The following CARS2 variants were observed in gnomAD, a reference collection of about 807,000 sequenced individuals.
CARS2 encodes the protein cysteinyl-tRNA synthetase 2, mitochondrial.
CARS2 carries 52 observed loss-of-function variants against 68.8 expected under a neutral mutation model. The ratio of observed to expected loss-of-function variants is 0.76; its 90% confidence interval spans 0.61 to 0.95. The LOEUF is 0.95. Ranked by LOEUF, CARS2 falls within the 40% of genes least tolerant of loss-of-function variation. The pLI is 0.00. For synonymous variants in CARS2, 314 were observed against 303.6 expected, an observed-to-expected ratio of 1.03 and a Z score of -0.36; for missense variants, 780 against 754.2, an observed-to-expected ratio of 1.03 and a Z score of -0.40.
At chr13:110,648,445 G>A (rs1168917328) in intron 10 of CARS2, 1 of 152,238 alleles carries the variant, frequency 6.6e-6, no homozygotes, top group African/African-American at 2.4e-5. Flanking sequence ...CTCTACAGAT[G>A]GGAGACACTT....
chr13:110,681,274 AGAC>A (rs932392411), intron 6 of CARS2, among the ~76,000 whole-genome samples: 19 of 152,358 alleles, frequency 1.2e-4, no homozygotes, highest in African/African-American at 3.6e-4. Context: ...AAAATTAAAA[AGAC>A]AACACCATTG....
At chr13:110,695,788 T>A (rs75359092) in intron 3 of CARS2, among the ~76,000 whole-genome samples, 4 of 151,768 alleles carry the variant, frequency 2.6e-5, no homozygotes, top group Admixed American at 6.6e-5. Context: ...TTTTTTTTTT[T>A]AAATTATACT....
At chr13:110,706,186 GC>G, upstream of CARS2, 1 of 930,324 alleles carries the variant, frequency 1.1e-6, no homozygotes, top group Middle Eastern at 4.1e-4. Context: ...GCCCCGCCCC[GC>G]CCACGCCCTT....
At chr13:110,642,806 C>T (rs1163643743) in intron 13 of CARS2, 1 of 679,836 alleles carries the variant, frequency 1.5e-6, no homozygotes, top group Non-Finnish European at 2.7e-6. Flanking sequence ...CCGCCCCGCC[C>T]TGAACACAAA....
intron 3 of CARS2, among the ~76,000 whole-genome samples, chr13:110,699,272 T>C (rs1261892893): frequency 1.3e-5 from 2 of 152,210 alleles, no homozygotes; most frequent in Non-Finnish European, 2.9e-5. Flanking sequence ...TCTAATGCTC[T>C]TGGAGGGTCA....
At chr13:110,689,705 T>A (rs2063402776) in intron 3 of CARS2, among the ~76,000 whole-genome samples, 1 of 152,090 alleles carries the variant, frequency 6.6e-6, no homozygotes, top group African/African-American at 2.4e-5. Flanking sequence ...AATATCACAT[T>A]AAAGAGAGAA....
rs527730124 is a variant in CARS2 at position 110,668,227 on chromosome 13, C to T, written c.786-754G>A. 2.6e-5 allele frequency among the ~76,000 whole-genome samples: 4 copies of T among 152,314 alleles called. No homozygotes were observed. The highest frequency in any genetic ancestry group is 4.4e-5 in the Non-Finnish European group (3 of 68,026). ...GGGAAACAGGCATCACAGAAACACACGCTGTAGTGTGACGTTCTAAGACTT... is the reference window on the plus strand; with the variant it reads ...GGGAAACAGGCATCACAGAAACACATGCTGTAGTGTGACGTTCTAAGACTT... On this transcript the variant is annotated intron_variant, in intron 7 of 14. Transcript: ENST00000257347. The surrounding 1 kb of genome is among the most constrained non-coding windows in gnomAD (Gnocchi z 4.1).
chr13:110,654,280 C>T (rs2062304326), intron 9 of CARS2, among the ~76,000 whole-genome samples: 1 of 152,206 alleles, frequency 6.6e-6, no homozygotes, highest in African/African-American at 2.4e-5. Flanking sequence ...AGGTTTTAAA[C>T]CATTATCTGA....
Position 110,668,391 on chromosome 13 carries a change from A to C in CARS2, c.786-918T>G, listed in dbSNP as rs1027953882. On this transcript the variant is annotated intron_variant, in intron 7 of 14. Coordinates refer to ENST00000257347, the MANE Select transcript of CARS2 (RefSeq NM_024537.4). This position sits in a 1 kb window ranked among gnomAD's most constrained non-coding sequence, Gnocchi z 4.1. The stretch of plus-strand genomic sequence containing the variant: ...ACCCCGTCTCCACTAAAATACAAAA[A>C]ATCAGCCGGGCGTGGTGGCGGGTGC... Among the ~76,000 whole-genome samples, 2 of 151,704 alleles carry C rather than the reference A, an allele frequency of 1.3e-5. No homozygotes were observed. The highest frequency in any genetic ancestry group is 4.8e-5 in the African/African-American group (2 of 41,238).
At chr13:110,710,024 G>C (rs1399665364), upstream of CARS2, among the ~76,000 whole-genome samples, 2 of 152,146 alleles carry the variant, frequency 1.3e-5, no homozygotes, top group Non-Finnish European at 2.9e-5. Context: ...ATATGGTTTA[G>C]GGGTTTTCAA....
At position 110,667,354 on chromosome 13, in the gene CARS2, T is replaced by C; in HGVS notation, c.905A>G (p.Tyr302Cys). The C allele has an allele frequency of 6.2e-7, 1 of 1,611,694 alleles. No individual in the cohort carries two copies. Among genetic ancestry groups the C allele is most frequent in the Non-Finnish European group, 8.5e-7 (1 of 1,179,154 alleles). The change falls in exon 8 of 15, where the codon TAT (tyrosine) becomes TGT (cysteine). Residue 302 changes from tyrosine to cysteine, a missense_variant. Transcript: ENST00000257347. Reference protein sequence around the residue: ...VFHQCEQWGNYFLHSGHLHAK... With the variant: ...VFHQCEQWGNCFLHSGHLHAK... ...TTATTACTTACCAGAATGCAGAAAA[T>C]AATTTCCCCACTGCTCGCACTGATG...
intron 12 of CARS2, 130 bp from the exon 13 acceptor site, chr13:110,644,613 A>T: frequency 6.8e-7 from 1 of 1,474,738 alleles, no homozygotes; most frequent in Non-Finnish European, 9.0e-7. Flanking sequence ...GCTTCTATGG[A>T]GGGAGGACAC....
intron 12 of CARS2, chr13:110,645,733 G>A: frequency 2.1e-6 from 1 of 472,340 alleles, no homozygotes. Flanking sequence ...TCAGCCTCAG[G>A]GGCTCCTGAG....
At chr13:110,694,876 A>G (rs1404850806) in intron 3 of CARS2, among the ~76,000 whole-genome samples, 1 of 152,228 alleles carries the variant, frequency 6.6e-6, no homozygotes, top group Non-Finnish European at 1.5e-5. Context: ...TTGCATGAGA[A>G]GAAACCCAAT....
chr13:110,711,791 A>G (rs142975413), intron 1 of CARS2, among the ~76,000 whole-genome samples: 1 of 152,352 alleles, frequency 6.6e-6, no homozygotes, highest in East Asian at 1.9e-4. Flanking sequence ...TCCAAATACA[A>G]AACAGCTTAA....
chr13:110,695,901 A>G (rs1419738931), intron 3 of CARS2, among the ~76,000 whole-genome samples: 1 of 151,766 alleles, frequency 6.6e-6, no homozygotes, highest in Non-Finnish European at 1.5e-5. Flanking sequence ...TACATTAGGT[A>G]TTTCTCCTAA....
chr13:110,669,609 G>A lies in CARS2; in HGVS notation c.786-2136C>T, dbSNP rs190083304. ...TTCTGGTGCCGTTTCCAAGATGGCC[G>A]AATAGGAACAGCTCCAGTCTACAGC... On this transcript the variant is annotated intron_variant, in intron 7 of 14. Transcript: ENST00000257347. Among the ~76,000 whole-genome samples, 20 of 152,168 alleles carry A rather than the reference G, an allele frequency of 1.3e-4. 1 individual carries two copies. In the East Asian group the frequency reaches 3.3e-3, roughly 25 times the overall value.
chr13:110,695,928 G>C (rs2063611310), intron 3 of CARS2, among the ~76,000 whole-genome samples: 1 of 151,868 alleles, frequency 6.6e-6, no homozygotes, highest in East Asian at 1.9e-4. Flanking sequence ...CCCTCCCCTA[G>C]CCCCCCAACC....
At chr13:110,679,597 A>AAGAAAGAAAGAAAGAAAGAG (rs1312030282) in intron 6 of CARS2, among the ~76,000 whole-genome samples, 47 of 43,692 alleles carry the variant, frequency 1.1e-3, no homozygotes, top group Non-Finnish European at 2.5e-3. Context: ...GAAAGAAAGA[A>AAGAAAGAAAGAAAGAAAGAG]AGAGAGAGAG....
Sources: gnomAD v4.1 joint callset for allele counts (sites outside exome capture counted in the v4.1 genomes callset) on GRCh38, gnomAD v4.1.1 for gene constraint, Gnocchi (gnomAD v3.1) non-coding constraint, MANE v1.5 for transcripts, NCBI Gene and HGNC (gene_info 2026-07-23, HGNC 2026-07-21) for gene names.